INPP4A: variants seen among roughly 807,000 people sequenced by gnomAD.
INPP4A encodes the protein inositol polyphosphate-4-phosphatase type I A, also known as inositol polyphosphate-4-phosphatase, type I, 107kD.
Under a neutral mutation model 119.8 loss-of-function variants are expected in INPP4A, and 33 were observed. That is an observed-to-expected ratio of 0.28 (90% confidence interval 0.21 to 0.37). The LOEUF (loss-of-function observed/expected upper bound fraction) is 0.37, where lower values mean the gene tolerates loss of function less well. Among genes scored for constraint, INPP4A ranks in the 10% least tolerant of loss-of-function variants. The pLI is 1.00. For missense variants in INPP4A, 956 were observed against 1,289.9 expected (o/e 0.74, Z 3.97); for synonymous variants, 496 against 500.7 (o/e 0.99, Z 0.12).
chr2:98,488,167 G>A lies in INPP4A; in HGVS notation c.-165-30797G>A, dbSNP rs1679934584. On this transcript the variant is annotated intron_variant, in intron 1 of 24. Transcript: ENST00000409851. ...CATTATTGTGGGTTGTTTGATTTTT[G>A]AGTACTTCCTTATTGGCACTGCAAG... Among the ~76,000 whole-genome samples the A allele has an allele frequency of 2.6e-5, 4 of 152,092 alleles. No homozygotes were observed. The South Asian group carries it at 8.3e-4, about 32-fold the overall frequency.
At chr2:98,576,911 G>A in intron 23 of INPP4A, 78 bp from the exon 24 acceptor site, 5 of 1,521,346 alleles carry the variant, frequency 3.3e-6, no homozygotes, top group Non-Finnish European at 4.5e-6. Flanking sequence ...GGCTGGTTGG[G>A]AGCCTTTCCT....
At chr2:98,559,011 G>C (rs760359653) in intron 16 of INPP4A, among the ~76,000 whole-genome samples, 2 of 152,212 alleles carry the variant, frequency 1.3e-5, no homozygotes, top group Non-Finnish European at 2.9e-5. Context: ...CTTCCCCGGT[G>C]AATCAGAGCA....
intron 3 of INPP4A, 40 bp downstream of exon 3, chr2:98,520,194 C>T (rs1444610702): frequency 7.0e-7 from 1 of 1,425,172 alleles, no homozygotes; most frequent in Non-Finnish European, 9.7e-7. Context: ...CAGGTATGAG[C>T]TCACAGCACC....
intron 1 of INPP4A, among the ~76,000 whole-genome samples, chr2:98,504,472 A>G (rs1017435153): frequency 1.3e-5 from 2 of 152,210 alleles, no homozygotes; most frequent in African/African-American, 4.8e-5. Flanking sequence ...GAGGACCAAG[A>G]TGTCTCTCCC....
intron 1 of INPP4A, among the ~76,000 whole-genome samples, chr2:98,474,747 T>C (rs1239098662): frequency 6.6e-6 from 1 of 152,234 alleles, no homozygotes; most frequent in Admixed American, 6.5e-5. Context: ...ATTTCATAGT[T>C]ACAGGTTGGT....
rs369744293 is a variant in INPP4A at position 98,565,632 on chromosome 2, A to G, written c.2153-8A>G. 20 of 1,600,768 alleles carry G rather than the reference A, an allele frequency of 1.2e-5. No individual in the cohort carries two copies. Among genetic ancestry groups the G allele is most frequent in the Middle Eastern group, 1.7e-4 (1 of 6,032 alleles). ...TGCCTGACAGCCCTGCCCCTCTCTC[A>G]TGTCCAGGGGAGGAGCTGGCAATGC... On this transcript the variant is annotated splice_polypyrimidine_tract_variant and splice_region_variant and intron_variant, in intron 19 of 24. Coordinates refer to ENST00000409851, the MANE Select transcript of INPP4A (RefSeq NM_001134225.2).
rs779804475 is a variant in INPP4A at position 98,546,306 on chromosome 2, C to T, written c.1054+233C>T. On this transcript the variant is annotated intron_variant, in intron 12 of 24. Coordinates refer to ENST00000409851, the MANE Select transcript of INPP4A (RefSeq NM_001134225.2). The surrounding 1 kb of genome is among the most constrained non-coding windows in gnomAD (Gnocchi z 4.2). ...ATTTCTGCAGTAGAAAGTTGCCTGT[C>T]GGCCCTTCTTCCCAAGGAGGGATGC... Among the ~76,000 whole-genome samples the T allele has an allele frequency of 1.7e-4, 26 of 152,234 alleles. No homozygotes were observed. Among genetic ancestry groups the T allele is most frequent in the Non-Finnish European group, 3.5e-4 (24 of 68,046 alleles).
chr2:98,480,702 C>T (rs558612994), intron 1 of INPP4A, among the ~76,000 whole-genome samples: 1 of 152,254 alleles, frequency 6.6e-6, no homozygotes, highest in Non-Finnish European at 1.5e-5. Flanking sequence ...TGGTCCCTCA[C>T]TCCTGGCCCC....
chr2:98,505,529 C>T (rs2105444631), intron 1 of INPP4A, among the ~76,000 whole-genome samples: 1 of 152,328 alleles, frequency 6.6e-6, no homozygotes, highest in African/African-American at 2.4e-5. Context: ...TGTATGTCAC[C>T]AGAGAGAATT....
chr2:98,478,021 A>T (rs112645769), intron 1 of INPP4A, among the ~76,000 whole-genome samples: 4,782 of 152,012 alleles, frequency 0.031, 275 homozygotes, highest in African/African-American at 0.11. Flanking sequence ...CCTACAACCT[A>T]CTGTTATTGT....
chr2:98,532,393 T>TAA (rs1689405140), intron 4 of INPP4A, among the ~76,000 whole-genome samples: 2 of 151,514 alleles, frequency 1.3e-5, no homozygotes, highest in Non-Finnish European at 2.9e-5. Context: ...TACTTTTTTC[T>TAA]ATTTTATTTT....
At position 98,491,093 on chromosome 2, in the gene INPP4A, A is replaced by G. The variant is rs566157800; in HGVS notation, c.-165-27871A>G. ...ATAGTAGGAACAACAAGTTCTGCCT[A>G]TGTCGGCTTGCAGCAGAGACCCAGT... On this transcript the variant is annotated intron_variant, in intron 1 of 24. Transcript: ENST00000409851. Among the ~76,000 whole-genome samples, 9 of 152,368 alleles carry G rather than the reference A, an allele frequency of 5.9e-5. No homozygotes were observed. In the East Asian group the frequency reaches 1.4e-3, roughly 23 times the overall value.
intron 22 of INPP4A, among the ~76,000 whole-genome samples, chr2:98,572,217 T>C (rs1338855426): frequency 6.6e-6 from 1 of 152,236 alleles, no homozygotes; most frequent in Non-Finnish European, 1.5e-5. Context: ...TGGGGTTTCT[T>C]GGTAAGGTGA....
chr2:98,535,912 G>A (rs955598789), intron 6 of INPP4A, 67 bp downstream of exon 6: 2 of 829,708 alleles, frequency 2.4e-6, no homozygotes, highest in African/African-American at 3.4e-5. Context: ...TCGTTTGAAT[G>A]AGAGATGAAC....
intron 1 of INPP4A, among the ~76,000 whole-genome samples, chr2:98,501,781 T>C (rs534172596): frequency 6.6e-6 from 1 of 152,344 alleles, no homozygotes; most frequent in Non-Finnish European, 1.5e-5. Context: ...ATTTGATAAA[T>C]TAAAACCTGG....
intron 11 of INPP4A, among the ~76,000 whole-genome samples, chr2:98,544,804 A>T (rs772452891): frequency 5.3e-5 from 8 of 152,228 alleles, no homozygotes; most frequent in Non-Finnish European, 7.3e-5. Flanking sequence ...CCATCCATAA[A>T]CTTGAATGAG....
At chr2:98,527,934 T>G (rs1026193492) in intron 4 of INPP4A, among the ~76,000 whole-genome samples, 6 of 152,128 alleles carry the variant, frequency 3.9e-5, no homozygotes, top group Admixed American at 3.3e-4. Flanking sequence ...ATTCCAGAGA[T>G]CTCACATTAT....
At chr2:98,464,809 G>A (rs555045030) in intron 1 of INPP4A, among the ~76,000 whole-genome samples, 13 of 152,122 alleles carry the variant, frequency 8.5e-5, no homozygotes, top group African/African-American at 2.9e-4. Flanking sequence ...GCCTGTGGCA[G>A]TGTTGTATTT....
chr2:98,496,861 G>T (rs1293948638), intron 1 of INPP4A, among the ~76,000 whole-genome samples: 2 of 152,192 alleles, frequency 1.3e-5, no homozygotes, highest in Non-Finnish European at 2.9e-5. Context: ...TCTGGGGTTG[G>T]AGTGTCCTGG....
Sources: gnomAD v4.1 joint callset for allele counts (sites outside exome capture counted in the v4.1 genomes callset) on GRCh38, gnomAD v4.1.1 for gene constraint, Gnocchi (gnomAD v3.1) non-coding constraint, MANE v1.5 for transcripts, NCBI Gene and HGNC (gene_info 2026-07-23, HGNC 2026-07-21) for gene names.